PHF14: variants seen among roughly 807,000 people sequenced by gnomAD.
PHF14 encodes PHD finger protein 14.
In PHF14, 55 loss-of-function variants were observed where a neutral mutation model predicts 117.9. The ratio of observed to expected loss-of-function variants is 0.47; its 90% confidence interval spans 0.38 to 0.58. The LOEUF is 0.58. PHF14 is among the 20% of genes least tolerant of loss of function. The pLI is 0.00. For missense variants in PHF14, 978 were observed against 1,122.2 expected, an observed-to-expected ratio of 0.87 and a Z score of 1.84; for synonymous variants, 409 against 368.6, an observed-to-expected ratio of 1.11 and a Z score of -1.26.
chr7:11,042,157 C>T (rs1028221058), intron 12 of PHF14, among the ~76,000 whole-genome samples: 14 of 151,752 alleles, frequency 9.2e-5, no homozygotes, highest in Non-Finnish European at 1.8e-4. Context: ...ATTTTTAAAA[C>T]GCAAAATTCA....
rs955550654 is a variant in PHF14, at chr7:11,006,840, C to T, written c.1046-6907C>T. 5.9e-6 allele frequency: 4 copies of T among 675,926 alleles called. No homozygotes were observed. The African/African-American group carries it at 7.2e-5, about 12-fold the overall frequency. 41.9% of individuals were successfully genotyped at this position (675,926 alleles called of 1,614,324 possible). On this transcript the variant is annotated intron_variant, in intron 4 of 17. Transcript: ENST00000634607. ...GGTTTGGCTTCAGCTTTAGGAGGGA[C>T]AGGAGCTTCCTTCACTTTCGGCACT... is the stretch of plus-strand genomic sequence containing the variant.
At chr7:11,114,769 A>G (rs531931212) in intron 17 of PHF14, among the ~76,000 whole-genome samples, 1 of 152,206 alleles carries the variant, frequency 6.6e-6, no homozygotes, top group South Asian at 2.1e-4. Context: ...ATACAAATAC[A>G]CAGAGACACA....
chr7:11,063,932 GAT>G (rs986870686), intron 16 of PHF14, among the ~76,000 whole-genome samples: 37 of 151,906 alleles, frequency 2.4e-4, no homozygotes, highest in African/African-American at 8.9e-4. Flanking sequence ...GGAAGGTAAA[GAT>G]ATTTTTATTA....
chr7:11,071,172 C>T (rs767345500), intron 16 of PHF14: 17 of 452,366 alleles, frequency 3.8e-5, no homozygotes, highest in African/African-American at 6.0e-5. Context: ...CTTTCAATCT[C>T]ACTTTTCTTA....
intron 11 of PHF14, 55 bp from the exon 12 acceptor site, chr7:11,040,617 G>A: frequency 2.3e-6 from 2 of 884,512 alleles, no homozygotes; most frequent in Non-Finnish European, 3.3e-6. Flanking sequence ...AGAGGAAAAT[G>A]TTGCTTTTAT....
chr7:11,002,606 T>C (rs545085318), intron 4 of PHF14, among the ~76,000 whole-genome samples: 2 of 152,052 alleles, frequency 1.3e-5, no homozygotes, highest in Non-Finnish European at 2.9e-5. Flanking sequence ...CACGCCCAGC[T>C]AATTTTTTGT....
intron 17 of PHF14, among the ~76,000 whole-genome samples, chr7:11,141,718 G>A (rs1024447195): frequency 1.3e-5 from 2 of 151,978 alleles, no homozygotes; most frequent in Non-Finnish European, 2.9e-5. Flanking sequence ...GTGACAGTAT[G>A]TAAATCTCTA....
At chr7:11,162,703 T>A (rs1213048931) in intron 17 of PHF14, among the ~76,000 whole-genome samples, 4 of 148,160 alleles carry the variant, frequency 2.7e-5, no homozygotes, top group Admixed American at 6.8e-5. Context: ...CCAAAGTCTT[T>A]TTTTTTTTTT....
chr7:11,161,721 TA>T (rs1219495385), intron 17 of PHF14, among the ~76,000 whole-genome samples: 45 of 147,556 alleles, frequency 3.0e-4, no homozygotes, highest in African/African-American at 6.2e-4. Context: ...TTTATTTAAA[TA>T]AAAATATTAT....
chr7:11,157,822 A>G (rs78625014), intron 17 of PHF14, among the ~76,000 whole-genome samples: 13,049 of 152,230 alleles, frequency 0.086, 596 homozygotes, highest in African/African-American at 0.11. Context: ...AATCATAGAA[A>G]TACTGAAACC....
intron 17 of PHF14, among the ~76,000 whole-genome samples, chr7:11,126,203 T>A (rs927964891): frequency 6.6e-5 from 10 of 152,120 alleles, no homozygotes; most frequent in Non-Finnish European, 1.2e-4. Flanking sequence ...CAGCATTATT[T>A]CTTTATTTTA....
chr7:11,035,459 A>G (rs1476391667), intron 7 of PHF14, 181 bp from the exon 8 acceptor site: 3 of 365,628 alleles, frequency 8.2e-6, no homozygotes, highest in Admixed American at 9.1e-5. Context: ...GTTGACATAC[A>G]AGATCAAGTT....
chr7:11,144,542 C>G (rs565079234), intron 17 of PHF14, among the ~76,000 whole-genome samples: 164 of 149,378 alleles, frequency 1.1e-3, no homozygotes, highest in South Asian at 2.3e-3. Context: ...TACCTGCACC[C>G]CATGTTTATT....
chr7:11,021,654 A>T (rs2128318388), intron 5 of PHF14, among the ~76,000 whole-genome samples: 1 of 152,150 alleles, frequency 6.6e-6, no homozygotes, highest in East Asian at 1.9e-4. Context: ...AGCATGAAAA[A>T]ACTGAACAAA....
chr7:10,988,534 G>GTTTT (rs34658159), intron 3 of PHF14, among the ~76,000 whole-genome samples: 2,148 of 118,040 alleles, frequency 0.018, 71 homozygotes, highest in Middle Eastern at 0.054. Context: ...TTTCTAGTCT[G>GTTTT]TTTTTTTTTT....
At chr7:11,163,081 G>T (rs1427475343) in intron 17 of PHF14, among the ~76,000 whole-genome samples, 2 of 152,046 alleles carry the variant, frequency 1.3e-5, no homozygotes, top group African/African-American at 4.8e-5. Flanking sequence ...ATGAAATGTT[G>T]CAGTATTAAA....
At chr7:11,014,864 C>T (rs996525557) in intron 5 of PHF14, 10 of 151,496 alleles carry the variant, frequency 6.6e-5, no homozygotes, top group Non-Finnish European at 1.0e-4. Flanking sequence ...CACTTGTCAT[C>T]ATAACGGTGT....
chr7:11,043,998 A>G (rs1271454891), intron 13 of PHF14, among the ~76,000 whole-genome samples: 1 of 152,032 alleles, frequency 6.6e-6, no homozygotes, highest in South Asian at 2.1e-4. Flanking sequence ...CTAAAAAAAA[A>G]CACACACAAA....
intron 17 of PHF14, among the ~76,000 whole-genome samples, chr7:11,133,553 C>G (rs1210363911): frequency 3.3e-5 from 5 of 151,894 alleles, no homozygotes. Flanking sequence ...TTTATAGCCA[C>G]TGAAAATCTA....
Sources: allele counts gnomAD v4.1 joint callset (sites outside exome capture counted in the v4.1 genomes callset), GRCh38; gene constraint gnomAD v4.1.1; transcripts MANE v1.5; gene names NCBI Gene and HGNC (gene_info 2026-07-23, HGNC 2026-07-21).